ATE1: variants seen among roughly 807,000 people sequenced by gnomAD.
ATE1 encodes the protein arginyl-tRNA--protein transferase 1.
Under a neutral mutation model 70.5 loss-of-function variants are expected in ATE1, and 36 were observed. The ratio of observed to expected loss-of-function variants is 0.51; its 90% CI spans 0.39 to 0.67. The LOEUF (loss-of-function observed/expected upper bound fraction) is 0.67. ATE1 is among the 30% of genes least tolerant of loss of function. The pLI, the probability that ATE1 is intolerant of heterozygous loss-of-function variation, is 0.00. For missense variants in ATE1, 593 were observed against 629.5 expected, an observed-to-expected ratio of 0.94 and a Z score of 0.62; for synonymous variants, 232 against 219.3, an observed-to-expected ratio of 1.06 and a Z score of -0.51.
intron 11 of ATE1, among the ~76,000 whole-genome samples, chr10:121,767,233 AG>A (rs1945314568): frequency 6.6e-6 from 1 of 152,210 alleles, no homozygotes; most frequent in South Asian, 2.1e-4. Context: ...CGAGGAGTGG[AG>A]GGGAACGTCT....
chr10:121,927,075 A>T, intron 1 of ATE1: 4 of 985,392 alleles, frequency 4.1e-6, no homozygotes, highest in Non-Finnish European at 4.8e-6. Flanking sequence ...AAAATAATAG[A>T]GTCTACATTC....
rs138369921 is a variant in ATE1 at position 121,747,536 on chromosome 10, C to T, written c.1379-3678G>A. Among the ~76,000 whole-genome samples, 556 of 152,302 alleles carry T rather than the reference C, an allele frequency of 3.7e-3. 1 individual carries two copies. The highest frequency in any genetic ancestry group is 6.0e-3 in the Non-Finnish European group (407 of 68,024). On this transcript the variant is annotated intron_variant, in intron 11 of 11. Transcript: ENST00000224652. The stretch of plus-strand genomic sequence containing the variant: ...GTCAGGGTTCTGGGTAGCCCTGACC[C>T]CTGGGCCCCCTTTCCTCTTCAGCAC...
chr10:121,744,573 C>T (rs1317541254), intron 11 of ATE1, among the ~76,000 whole-genome samples: 1 of 152,324 alleles, frequency 6.6e-6, no homozygotes. Context: ...TTAATCTCTG[C>T]ACTGAAGCTT....
intron 4 of ATE1, among the ~76,000 whole-genome samples, chr10:121,911,586 A>T (rs964610468): frequency 1.3e-5 from 2 of 152,202 alleles, no homozygotes; most frequent in Non-Finnish European, 2.9e-5. Flanking sequence ...TTTAAAGGAA[A>T]CTTGCGACCC....
At chr10:121,868,747 C>A (rs1430920644) in intron 8 of ATE1, among the ~76,000 whole-genome samples, 1 of 152,162 alleles carries the variant, frequency 6.6e-6, no homozygotes, top group African/African-American at 2.4e-5. Flanking sequence ...CACTCTGCTT[C>A]CCCGTTGATC....
chr10:121,861,716 T>C (rs1034134859), intron 8 of ATE1, among the ~76,000 whole-genome samples: 76 of 147,496 alleles, frequency 5.2e-4, no homozygotes, highest in African/African-American at 1.8e-3. Flanking sequence ...AACCTGCACA[T>C]TGTGCACATG....
At chr10:121,864,869 G>A (rs1949608436) in intron 8 of ATE1, among the ~76,000 whole-genome samples, 1 of 152,108 alleles carries the variant, frequency 6.6e-6, no homozygotes, top group South Asian at 2.1e-4. Flanking sequence ...CTAGCATCTA[G>A]TGAGCAGAAG....
intron 11 of ATE1, among the ~76,000 whole-genome samples, chr10:121,762,686 T>C (rs1945101004): frequency 6.6e-6 from 1 of 152,176 alleles, no homozygotes; most frequent in South Asian, 2.1e-4. Flanking sequence ...TGAGGACTGG[T>C]TCCACTTTGT....
chr10:121,866,866 A>T (rs990084457), intron 8 of ATE1, among the ~76,000 whole-genome samples: 3 of 146,020 alleles, frequency 2.1e-5, no homozygotes, highest in South Asian at 2.2e-4. Context: ...AAAAAAAAAA[A>T]TTTGTATATT....
At chr10:121,918,295 T>C (rs1951740134) in intron 3 of ATE1, among the ~76,000 whole-genome samples, 1 of 149,030 alleles carries the variant, frequency 6.7e-6, no homozygotes, top group South Asian at 2.1e-4. Context: ...ATCGCGCCAC[T>C]GCACTCCAGC....
At chr10:121,814,818 GTA>G (rs1260244653) in intron 10 of ATE1, among the ~76,000 whole-genome samples, 1 of 152,150 alleles carries the variant, frequency 6.6e-6, no homozygotes, top group Non-Finnish European at 1.5e-5. Context: ...GTAAACTTGG[GTA>G]AATCAGCTTG....
intron 10 of ATE1, among the ~76,000 whole-genome samples, chr10:121,796,390 G>A (rs758458273): frequency 5.3e-5 from 8 of 152,054 alleles, no homozygotes; most frequent in Non-Finnish European, 1.2e-4. Context: ...GTTCAAAGCC[G>A]TCAAAGGGAA....
intron 8 of ATE1, among the ~76,000 whole-genome samples, chr10:121,851,078 G>C (rs573410050): frequency 1.1e-5 from 1 of 91,134 alleles, no homozygotes; most frequent in Non-Finnish European, 1.9e-5. Context: ...GCCACAAAGC[G>C]AGACTCCATC....
In ATE1 at chr10:121,869,712, T is replaced by C. The variant is rs533895697; in HGVS notation, c.975+294A>G. 2.6e-5 allele frequency among the ~76,000 whole-genome samples: 4 copies of C among 152,282 alleles called. No homozygotes were observed. In the East Asian group the frequency reaches 5.8e-4, roughly 22 times the overall value. ...TAAACAGTTACAGGAGTAATGAAGA[T>C]ACAACAAGCCTCTTTAAAATGAAGG... On this transcript the variant is annotated intron_variant, in intron 8 of 11. Transcript: ENST00000224652.
rs190447833 is a variant in ATE1, at chr10:121,915,395, G to C, written c.234-1502C>G. ...GGTAAAGTCAGAGACTAGTTTAAAA[G>C]GTCCAAAATCTAAATAAAGGCATTA... is the stretch of plus-strand genomic sequence containing the variant. On this transcript the variant is annotated intron_variant, in intron 3 of 11. Transcript: ENST00000224652. 5.9e-5 allele frequency among the ~76,000 whole-genome samples: 9 copies of C among 151,916 alleles called. No individual in the cohort carries two copies. In the East Asian group the frequency reaches 1.7e-3, roughly 29 times the overall value.
intron 8 of ATE1, among the ~76,000 whole-genome samples, chr10:121,858,262 C>G (rs1166604463): frequency 6.6e-6 from 1 of 152,136 alleles, no homozygotes; most frequent in East Asian, 1.9e-4. Context: ...CATTTTTCCA[C>G]TGCAGCTGTA....
intron 11 of ATE1, among the ~76,000 whole-genome samples, chr10:121,758,571 C>T (rs886557769): frequency 6.6e-6 from 1 of 152,200 alleles, no homozygotes; most frequent in East Asian, 1.9e-4. Flanking sequence ...GAGACAGCCT[C>T]TACCGGAGGA....
At chr10:121,797,678 C>T (rs1382341223) in intron 10 of ATE1, among the ~76,000 whole-genome samples, 5 of 152,044 alleles carry the variant, frequency 3.3e-5, no homozygotes, top group African/African-American at 1.2e-4. Context: ...GGTCGTCTAC[C>T]GCTTTATCCT....
Position 121,800,867 on chromosome 10 carries a change from G to C in ATE1, c.1258-10578C>G, listed in dbSNP as rs149531217. ...CCAGAGAAAATGAGTAAGAATAAAG[G>C]CTTATTAAACCCAGTCTTTCCCCTG... On this transcript the variant is annotated intron_variant, in intron 10 of 11. Transcript: ENST00000224652. 7.7e-4 allele frequency among the ~76,000 whole-genome samples: 117 copies of C among 152,188 alleles called. 1 individual carries two copies. The highest frequency in any genetic ancestry group is 2.7e-3 in the African/African-American group (112 of 41,536).
Sources: allele counts gnomAD v4.1 joint callset (sites outside exome capture counted in the v4.1 genomes callset), GRCh38; gene constraint gnomAD v4.1.1; transcripts MANE v1.5; gene names NCBI Gene and HGNC (gene_info 2026-07-23, HGNC 2026-07-21).